The following RBFOX1 variants were observed in gnomAD, a reference collection of about 807,000 sequenced individuals.
RBFOX1 encodes RNA binding fox-1 homolog 1.
A neutral mutation model predicts 57.7 loss-of-function variants in RBFOX1; 8 were observed. The observed-to-expected ratio is 0.14, with a 90% confidence interval of 0.08 to 0.25. The LOEUF (loss-of-function observed/expected upper bound fraction) is 0.25. RBFOX1 is among the 10% of genes least tolerant of loss of function. RBFOX1 has a pLI of 1.00. For synonymous variants in RBFOX1, 326 were observed against 222.4 expected, an observed-to-expected ratio of 1.47 and a Z score of -4.15; for missense variants, 611 against 548.5, an observed-to-expected ratio of 1.11 and a Z score of -1.14.
chr16:6,529,917 C>A (rs891488303), intron 2 of RBFOX1, among the ~76,000 whole-genome samples: 6 of 152,146 alleles, frequency 3.9e-5, no homozygotes, highest in African/African-American at 1.4e-4. Context: ...CTCCCAAATT[C>A]AGAATTGCAT....
intron 4 of RBFOX1, among the ~76,000 whole-genome samples, chr16:7,286,144 G>C (rs2095646761): frequency 1.3e-5 from 2 of 152,166 alleles, no homozygotes; most frequent in African/African-American, 4.8e-5. Flanking sequence ...GAATACCACT[G>C]CTGGCATAGG....
At position 5,433,996 on chromosome 16, in the gene RBFOX1, AC is replaced by A. The variant is rs1206478230; in HGVS notation, c.220-33216del. Among the ~76,000 whole-genome samples the A allele has an allele frequency of 2.6e-5, 4 of 150,954 alleles. No individual in the cohort carries two copies. In the East Asian group the frequency reaches 7.8e-4, roughly 30 times the overall value. On this transcript the variant is annotated intron_variant, in intron 1 of 2. Coordinates refer to the RBFOX1 transcript ENST00000585867. The stretch of plus-strand genomic sequence containing the variant: ...GAGTTTGTTAACCACTCCTGGGTCC[AC>A]CCCAGTCCTATCCAGTCTGAATTTT...
chr16:7,316,478 C>G (rs1287808361), intron 4 of RBFOX1, among the ~76,000 whole-genome samples: 1 of 152,148 alleles, frequency 6.6e-6, no homozygotes, highest in Non-Finnish European at 1.5e-5. Context: ...CTCACTCATT[C>G]ATGCAGCACA....
intron 3 of RBFOX1, among the ~76,000 whole-genome samples, chr16:6,803,150 T>C (rs1221867480): frequency 6.6e-6 from 1 of 152,172 alleles, no homozygotes; most frequent in African/African-American, 2.4e-5. Flanking sequence ...TTTTTTTCTT[T>C]TAAATGCCAT....
In RBFOX1 at chr16:5,582,283, C is replaced by T. The variant is rs934081497; in HGVS notation, c.259-16619C>T. Among the ~76,000 whole-genome samples, 6 of 152,256 alleles carry T rather than the reference C, an allele frequency of 3.9e-5. 1 individual carries two copies. The South Asian group carries it at 1.2e-3, about 32-fold the overall frequency. ...ATGACTGGGGCTGCACGGGCCTTCA[C>T]AGCAAGCTGAGTTAAAGAGTGCAGT... On this transcript the variant is annotated intron_variant, in intron 2 of 2. Transcript: ENST00000585867.
intron 2 of RBFOX1, among the ~76,000 whole-genome samples, chr16:6,539,988 G>T (rs1003110110): frequency 1.3e-5 from 2 of 152,108 alleles, no homozygotes. Flanking sequence ...TTAACAGAAA[G>T]GAACTTTGTT....
intron 1 of RBFOX1, among the ~76,000 whole-genome samples, chr16:5,319,150 CA>C (rs557512374): frequency 2.7e-5 from 4 of 149,752 alleles, no homozygotes; most frequent in Non-Finnish European, 4.4e-5. Context: ...AACAAACAAA[CA>C]AAAAAACATA....
At chr16:6,545,322 C>A (rs1024583580) in intron 2 of RBFOX1, among the ~76,000 whole-genome samples, 1 of 152,140 alleles carries the variant, frequency 6.6e-6, no homozygotes, top group African/African-American at 2.4e-5. Context: ...AAAACCCAAA[C>A]GTAAAATAAA....
chr16:7,371,348 G>T (rs1483241082), intron 4 of RBFOX1, among the ~76,000 whole-genome samples: 1 of 152,142 alleles, frequency 6.6e-6, no homozygotes, highest in Non-Finnish European at 1.5e-5. Context: ...AATGATGCTA[G>T]TAACGGAAGA....
At chr16:7,052,836 T>C (rs1298774319) in intron 4 of RBFOX1, among the ~76,000 whole-genome samples, 2 of 152,212 alleles carry the variant, frequency 1.3e-5, no homozygotes. Context: ...GAATTCGTGT[T>C]TTCAGTGGAT....
chr16:7,209,609 C>T (rs2090713714), intron 4 of RBFOX1, among the ~76,000 whole-genome samples: 1 of 152,148 alleles, frequency 6.6e-6, no homozygotes, highest in Non-Finnish European at 1.5e-5. Flanking sequence ...CTCCTCTTAC[C>T]CATTGTAACC....
intron 2 of RBFOX1, among the ~76,000 whole-genome samples, chr16:6,487,703 ATATAT>A (rs1567405363): frequency 2.9e-3 from 14 of 4,754 alleles, no homozygotes; most frequent in Admixed American, 7.7e-3. Flanking sequence ...AAAAAAAAAT[ATATAT>A]ATATATATAT....
At chr16:6,131,021 A>C (rs1009132768) in intron 1 of RBFOX1, among the ~76,000 whole-genome samples, 4 of 152,170 alleles carry the variant, frequency 2.6e-5, no homozygotes, top group Admixed American at 2.6e-4. Flanking sequence ...AATCTCATAT[A>C]CATTATAAAG....
chr16:5,813,079 C>G (rs1020624121), intron 3 of RBFOX1, among the ~76,000 whole-genome samples: 3 of 149,650 alleles, frequency 2.0e-5, no homozygotes, highest in Non-Finnish European at 4.4e-5. Context: ...GCAATCTTGG[C>G]TCACTGCAAC....
At chr16:7,321,363 C>G (rs1211947873) in intron 4 of RBFOX1, among the ~76,000 whole-genome samples, 1 of 152,130 alleles carries the variant, frequency 6.6e-6, no homozygotes, top group Non-Finnish European at 1.5e-5. Context: ...TCAGGCTGTT[C>G]TTGAACTCCT....
intron 3 of RBFOX1, among the ~76,000 whole-genome samples, chr16:6,687,096 C>A (rs1008508987): frequency 1.3e-5 from 2 of 152,168 alleles, no homozygotes; most frequent in African/African-American, 4.8e-5. Flanking sequence ...ATCACACTTA[C>A]AGATGAAGGG....
intron 3 of RBFOX1, among the ~76,000 whole-genome samples, chr16:6,994,265 G>C (rs1025135602): frequency 2.0e-5 from 3 of 152,140 alleles, no homozygotes; most frequent in Non-Finnish European, 2.9e-5. Flanking sequence ...TTATCTAATG[G>C]AATTCTGCCT....
chr16:6,599,601 G>A (rs1042401350), intron 2 of RBFOX1, among the ~76,000 whole-genome samples: 3 of 152,058 alleles, frequency 2.0e-5, no homozygotes, highest in Admixed American at 6.6e-5. Flanking sequence ...ATTTTCCCCC[G>A]TGTAAATCAG....
chr16:6,690,503 TA>T (rs986801722), intron 3 of RBFOX1, among the ~76,000 whole-genome samples: 1 of 152,010 alleles, frequency 6.6e-6, no homozygotes, highest in African/African-American at 2.4e-5. Flanking sequence ...CCTATTTGTT[TA>T]AAAAAATAGT....
Sources: allele counts gnomAD v4.1 joint callset (sites outside exome capture counted in the v4.1 genomes callset), GRCh38; gene constraint gnomAD v4.1.1; transcripts MANE v1.5; gene names NCBI Gene and HGNC (gene_info 2026-07-23, HGNC 2026-07-21).